Variants in CDH18 observed in about 807,000 individuals in gnomAD.
The protein encoded by CDH18 is cadherin 18.
Under a neutral mutation model 67.9 loss-of-function variants are expected in CDH18, and 31 were observed. That is an observed-to-expected ratio of 0.46 (90% confidence interval 0.34 to 0.62). The LOEUF (loss-of-function observed/expected upper bound fraction) is 0.62, where lower values mean the gene tolerates loss of function less well. Ranked by LOEUF, CDH18 falls within the 20% of genes least tolerant of loss-of-function variation. The pLI, the probability that CDH18 is intolerant of heterozygous loss-of-function variation, is 0.01. For synonymous variants in CDH18, 362 were observed against 347.2 expected (o/e 1.04, Z -0.48); for missense variants, 890 against 975.5 (o/e 0.91, Z 1.17).
At chr5:19,527,948 C>T (rs2126956191) in intron 9 of CDH18, among the ~76,000 whole-genome samples, 1 of 151,820 alleles carries the variant, frequency 6.6e-6, no homozygotes, top group South Asian at 2.1e-4. Context: ...AAAATTAAAG[C>T]TGTGCCTTTG....
At chr5:19,632,168 C>T (rs932098165) in intron 5 of CDH18, among the ~76,000 whole-genome samples, 1 of 152,120 alleles carries the variant, frequency 6.6e-6, no homozygotes, top group Non-Finnish European at 1.5e-5. Flanking sequence ...AGAGTACTTT[C>T]TGTTTTTTAA....
intron 2 of CDH18, among the ~76,000 whole-genome samples, chr5:19,906,574 A>C (rs1454818882): frequency 6.6e-6 from 1 of 151,934 alleles, no homozygotes; most frequent in Non-Finnish European, 1.5e-5. Flanking sequence ...TTCTTATCGC[A>C]TCAAAATGAA....
chr5:19,733,557 G>A (rs144879178), intron 4 of CDH18, among the ~76,000 whole-genome samples: 1 of 152,136 alleles, frequency 6.6e-6, no homozygotes, highest in African/African-American at 2.4e-5. Flanking sequence ...CTTCTTGGAT[G>A]TGGGACAAGA....
chr5:19,783,747 T>C (rs80171277), intron 3 of CDH18, among the ~76,000 whole-genome samples: 135 of 152,312 alleles, frequency 8.9e-4, no homozygotes, highest in East Asian at 2.5e-3. Flanking sequence ...TCCTGAAACA[T>C]TAATACAATG....
chr5:20,098,122 C>T (rs543980784), intron 2 of CDH18, among the ~76,000 whole-genome samples: 2 of 151,454 alleles, frequency 1.3e-5, no homozygotes, highest in Middle Eastern at 3.8e-3. Flanking sequence ...TAATTTTATC[C>T]ATCTTAATCA....
chr5:20,029,747 G>T (rs1561729203), intron 2 of CDH18, among the ~76,000 whole-genome samples: 2 of 152,176 alleles, frequency 1.3e-5, no homozygotes, highest in African/African-American at 4.8e-5. Context: ...ATGATAAAAT[G>T]TAACTGTATT....
At position 19,841,594 on chromosome 5, in the gene CDH18, A is replaced by T. The variant is rs115230674; in HGVS notation, c.-256-2352T>A. On this transcript the variant is annotated intron_variant, in intron 2 of 12. Coordinates refer to ENST00000382275, the MANE Select transcript of CDH18 (RefSeq NM_004934.5). ...TTCAAAAAAAAAAAAAGGAAACTTT[A>T]TCTAGCTTTTCTTCTTAGAAGCCAA... is the stretch of plus-strand genomic sequence containing the variant. Among the ~76,000 whole-genome samples the T allele has an allele frequency of 9.9e-3, 1,481 of 149,026 alleles. 34 individuals carry two copies. The highest frequency in any genetic ancestry group is 0.034 in the African/African-American group (1,400 of 41,044).
intron 1 of CDH18, among the ~76,000 whole-genome samples, chr5:20,525,921 T>G (rs956821538): frequency 5.3e-5 from 8 of 152,142 alleles, no homozygotes; most frequent in Non-Finnish European, 1.0e-4. Context: ...AATGTATCCT[T>G]CTCTGAATTT....
intron 1 of CDH18, among the ~76,000 whole-genome samples, chr5:20,288,708 C>T (rs535390104): frequency 3.1e-4 from 47 of 151,882 alleles, no homozygotes; most frequent in African/African-American, 1.0e-3. Context: ...AGTCAATTCG[C>T]TTTATTCAGA....
chr5:20,400,799 T>C (rs1380343495), intron 1 of CDH18, among the ~76,000 whole-genome samples: 2 of 152,026 alleles, frequency 1.3e-5, no homozygotes, highest in Non-Finnish European at 2.9e-5. Flanking sequence ...ATAAAATAAG[T>C]AAAATAAGTA....
At chr5:19,835,802 A>G (rs1303380675) in intron 3 of CDH18, among the ~76,000 whole-genome samples, 1 of 152,112 alleles carries the variant, frequency 6.6e-6, no homozygotes, top group Non-Finnish European at 1.5e-5. Flanking sequence ...GAATAAGAGG[A>G]CACACTTTCA....
chr5:19,497,030 T>C (rs751788056), intron 11 of CDH18, among the ~76,000 whole-genome samples: 3 of 151,970 alleles, frequency 2.0e-5, no homozygotes, highest in African/African-American at 7.3e-5. Context: ...TATTCCACTA[T>C]AGCAGCACAA....
Position 19,579,029 on chromosome 5 carries a change from C to G in CDH18, c.1000-7197G>C, listed in dbSNP as rs888272762. On this transcript the variant is annotated intron_variant, in intron 7 of 12. Transcript: ENST00000382275. ...TCAGTTTTACTAAATATTCTATAGG[C>G]GCTTGAATTAAATGATATAGCCCCA... 2.0e-5 allele frequency among the ~76,000 whole-genome samples: 3 copies of G among 151,674 alleles called. No individual in the cohort carries two copies. In the East Asian group the frequency reaches 5.8e-4, roughly 29 times the overall value.
chr5:20,208,883 G>A (rs981660597), intron 2 of CDH18, among the ~76,000 whole-genome samples: 1 of 151,816 alleles, frequency 6.6e-6, no homozygotes, highest in Non-Finnish European at 1.5e-5. Flanking sequence ...CAACTCAATA[G>A]CAATAAAGAA....
At chr5:19,904,300 A>G (rs1273378472) in intron 2 of CDH18, among the ~76,000 whole-genome samples, 2 of 148,510 alleles carry the variant, frequency 1.3e-5, no homozygotes, top group Admixed American at 6.8e-5. Context: ...AAAGAAAAAA[A>G]GAAAAGAAAA....
intron 2 of CDH18, among the ~76,000 whole-genome samples, chr5:19,866,801 T>G (rs936716056): frequency 2.0e-5 from 3 of 152,018 alleles, no homozygotes; most frequent in Non-Finnish European, 2.9e-5. Context: ...ATTAAAAAAA[T>G]GCACTCTTGG....
chr5:20,153,556 C>T (rs1022606324), intron 2 of CDH18, among the ~76,000 whole-genome samples: 1 of 152,116 alleles, frequency 6.6e-6, no homozygotes, highest in Admixed American at 6.5e-5. Context: ...TTCAGGCTTC[C>T]ATCACAGAAT....
At chr5:19,648,650 CTT>C (rs1301594108) in intron 5 of CDH18, among the ~76,000 whole-genome samples, 1 of 151,990 alleles carries the variant, frequency 6.6e-6, no homozygotes, top group Non-Finnish European at 1.5e-5. Context: ...CATGAAATCT[CTT>C]TGTCTTTGAT....
In CDH18 at chr5:19,556,577, G is replaced by GA. The variant is rs1015038095; in HGVS notation, c.1254-12573dup. On this transcript the variant is annotated intron_variant, in intron 8 of 12. Transcript: ENST00000382275. ...ATTAATCCAATCCAACTAAGAAAAA[G>GA]AAAAAAAAAATTTAAAAAACGAGCA... Among the ~76,000 whole-genome samples, 225 of 148,364 alleles carry GA rather than the reference G, an allele frequency of 1.5e-3. 1 individual carries two copies. Among genetic ancestry groups the GA allele is most frequent in the African/African-American group, 4.5e-3 (182 of 40,438 alleles).
Sources: gnomAD v4.1 joint callset for allele counts (sites outside exome capture counted in the v4.1 genomes callset) on GRCh38, gnomAD v4.1.1 for gene constraint, MANE v1.5 for transcripts, NCBI Gene and HGNC (gene_info 2026-07-23, HGNC 2026-07-21) for gene names.